NOTCH4: variants seen among roughly 807,000 people sequenced by gnomAD.
The protein encoded by NOTCH4 is notch receptor 4.
In NOTCH4, 138 loss-of-function variants were observed where a neutral mutation model predicts 189.0. That is an observed-to-expected ratio of 0.73 (90% CI 0.64 to 0.84). The LOEUF is 0.84. Among genes scored for constraint, NOTCH4 ranks in the 40% least tolerant of loss-of-function variants. NOTCH4 has a pLI of 0.00. For synonymous variants in NOTCH4, 942 were observed against 1,032.8 expected (o/e 0.91, Z 1.69); for missense variants, 2,286 against 2,605.4 (o/e 0.88, Z 2.67).
chr6:32,212,698 A>G lies in NOTCH4; in HGVS notation c.2527-71T>C. 2 of 1,528,046 alleles carry G rather than the reference A, an allele frequency of 1.3e-6. No individual in the cohort carries two copies. The highest frequency in any genetic ancestry group is 1.8e-6 in the Non-Finnish European group (2 of 1,130,442). The allele number at this position is 1,528,046 out of a possible 1,614,324, so 94.7% of individuals were successfully genotyped here. On this transcript the variant is annotated intron_variant, in intron 16 of 29. Coordinates refer to ENST00000375023, the MANE Select transcript of NOTCH4 (RefSeq NM_004557.4). This position sits in a 1 kb window ranked among gnomAD's most constrained non-coding sequence, Gnocchi z 4.4. ...TCAGCCCAGAGATGGTCCTCTGCCCACTCCAGCTCCTCGAAATCCCTTACT... is the reference window on the plus strand; with the variant it reads ...TCAGCCCAGAGATGGTCCTCTGCCCGCTCCAGCTCCTCGAAATCCCTTACT...
In NOTCH4 at chr6:32,202,381, C is replaced by G. The variant is rs541604461; in HGVS notation, c.3450G>C (p.Thr1150=). The change falls in exon 21 of 30, where the codon ACG becomes ACC. Residue 1150 remains threonine (T), a synonymous_variant. Transcript: ENST00000375023. This position sits in a 1 kb window ranked among gnomAD's most constrained non-coding sequence, Gnocchi z 5.7. ...ATCGAAAGCCTGGGCCCCCCAAGCC[C>G]GTGGTCTCTGAGCAGCTGCCATTGT... ...CLYNGSCSET[T]GLGGPGFRCS... 9 of 1,612,718 alleles carry G rather than the reference C, an allele frequency of 5.6e-6. No homozygotes were observed. Among genetic ancestry groups the G allele is most frequent in the East Asian group, 2.2e-5 (1 of 44,886 alleles).
rs2127491242 is a variant in NOTCH4 at position 32,222,764 on chromosome 6, G to A, written c.198C>T (p.Asp66=). Residue 66 remains aspartate, a synonymous_variant, in exon 3 of 30, where the codon GAC becomes GAT. Coordinates refer to ENST00000375023, the MANE Select transcript of NOTCH4 (RefSeq NM_004557.4). ...GGCAGAGCTGGGCGTTCTGGCAGGG[G>A]TCAGGAAACTGGCACGTCTCACCCA... The part of the protein sequence containing the change: ...GFLGETCQFP[D]PCQNAQLCQN... The A allele has an allele frequency of 2.5e-6, 4 of 1,612,070 alleles. No individual in the cohort carries two copies. Among genetic ancestry groups the A allele is most frequent in the Non-Finnish European group, 3.4e-6 (4 of 1,179,252 alleles).
In NOTCH4 at chr6:32,197,553, C is replaced by T. The variant is rs1788033496; in HGVS notation, c.4798G>A (p.Val1600Ile). 1 of 1,612,686 alleles carries T rather than the reference C, an allele frequency of 6.2e-7. No individual in the cohort carries two copies. The highest frequency in any genetic ancestry group is 2.2e-5 in the East Asian group (1 of 44,844). The change falls in exon 27 of 30, where the codon GTA becomes ATA. Residue 1600 changes from valine to isoleucine, a missense_variant. By Grantham distance (29) the Val-to-Ile change is conservative. This residue lies in a region of NOTCH4 where 1,903 missense variants were observed against 2,261.9 expected (regional missense o/e 0.84). Coordinates refer to ENST00000375023, the MANE Select transcript of NOTCH4 (RefSeq NM_004557.4). ...GCCCCTTGGAAGGTCCCGGACTGTA[C>T]TTCCCCACAGCAAACTGCTGACATC... ...PLMSAVCCGEVQSGTFQGAWL... is the reference protein window; with the variant it reads ...PLMSAVCCGEIQSGTFQGAWL...
In NOTCH4 at chr6:32,210,930, T is replaced by A; in HGVS notation, c.2687A>T (p.Asp896Val). ...CQKAALSQGI[D>V]VSSLCHNGGL... ...TCCATTGTGGCAAAGGGAAGAGACG[T>A]CTATGCCTGGGGAGAGAGACAAACA... Residue 896 changes from aspartate (D) to valine (V), a missense_variant, in exon 18 of 30, where the codon GAC becomes GTC. By Grantham distance (152) the Asp-to-Val change is radical (BLOSUM62 -3). Transcript: ENST00000375023. The surrounding 1 kb of genome is among the most constrained non-coding windows in gnomAD (Gnocchi z 4.8). 1 of 1,589,682 alleles carries A rather than the reference T, an allele frequency of 6.3e-7. No individual in the cohort carries two copies.
At chr6:32,222,239 T>G (rs1227607775) in intron 3 of NOTCH4, among the ~76,000 whole-genome samples, 1 of 152,124 alleles carries the variant, frequency 6.6e-6, no homozygotes, top group Non-Finnish European at 1.5e-5. Context: ...ATGGGGAGAT[T>G]AAAGGGGCTA....
intron 18 of NOTCH4, among the ~76,000 whole-genome samples, chr6:32,204,997 T>G (rs1452424929): frequency 1.3e-5 from 2 of 152,190 alleles, no homozygotes; most frequent in Non-Finnish European, 2.9e-5. Context: ...TGGGAATCAA[T>G]GAAGGTCTGT....
chr6:32,200,784 G>A lies in NOTCH4; in HGVS notation c.4315+47C>T, dbSNP rs1223470349. 6.7e-7 allele frequency: 1 copy of A among 1,487,458 alleles called. No individual in the cohort carries two copies. The highest frequency in any genetic ancestry group is 1.3e-5 in the South Asian group (1 of 76,800). The allele number at this position is 1,487,458 out of a possible 1,614,324, so 92.1% of individuals were successfully genotyped here. A position where few individuals can be genotyped will look rare whatever the true frequency, so the allele number is the denominator to read the frequency against. On this transcript the variant is annotated intron_variant, in intron 23 of 29. Coordinates refer to ENST00000375023, the MANE Select transcript of NOTCH4 (RefSeq NM_004557.4). The surrounding 1 kb of genome is among the most constrained non-coding windows in gnomAD (Gnocchi z 5.0). ...TCCATTGCCTGTTGCTAGCATGAGAGCTGGCCTGGGAACAGAGGTCAGAGA... is the reference window on the plus strand; with the variant it reads ...TCCATTGCCTGTTGCTAGCATGAGAACTGGCCTGGGAACAGAGGTCAGAGA...
rs777281026 is a variant in NOTCH4, at chr6:32,221,137, T to C, written c.640A>G (p.Thr214Ala). 2.7e-5 allele frequency: 43 copies of C among 1,612,860 alleles called. No individual in the cohort carries two copies. Among genetic ancestry groups the C allele is most frequent in the Non-Finnish European group, 3.6e-5 (42 of 1,180,012 alleles). Residue 214 changes from threonine to alanine, a missense_variant, in exon 4 of 30, where the codon ACC becomes GCC. Physicochemically the swap from Thr to Ala is moderately conservative, Grantham distance 58 (BLOSUM62 0). Around this residue, in one of 2 missense-constraint regions of NOTCH4, gnomAD observed 1,903 missense variants for 2,261.9 expected, o/e 0.84. Transcript: ENST00000375023. This position sits in a 1 kb window ranked among gnomAD's most constrained non-coding sequence, Gnocchi z 4.3. ...CAGAGGCACTGGAAGGAGCCCAGGG[T>C]GTTATGGCAGGAGGTGCCTTTGGGG... ...PCPKGTSCHN[T>A]LGSFQCLCPV... is the part of the protein sequence containing the mutation.
At chr6:32,213,949 C>T (rs1437161976) in intron 13 of NOTCH4, 109 bp from the exon 14 acceptor site, 1 of 1,462,614 alleles carries the variant, frequency 6.8e-7, no homozygotes, top group Non-Finnish European at 9.4e-7. Flanking sequence ...TTATTCTTTC[C>T]CATCAACCTC....
chr6:32,216,755 C>T, intron 11 of NOTCH4, 190 bp downstream of exon 11: 1 of 714,004 alleles, frequency 1.4e-6, no homozygotes, highest in Non-Finnish European at 2.4e-6. Context: ...CCCATGTGGG[C>T]CCTACGGTAA....
chr6:32,204,231 G>A lies in NOTCH4; in HGVS notation c.3024C>T (p.Asp1008=), dbSNP rs776017114. 2.5e-6 allele frequency: 4 copies of A among 1,613,050 alleles called. No homozygotes were observed. Among genetic ancestry groups the A allele is most frequent in the African/African-American group, 1.3e-5 (1 of 75,050 alleles). Residue 1008 remains aspartate (D), a synonymous_variant, in exon 19 of 30, where the codon GAC becomes GAT. Coordinates refer to ENST00000375023, the MANE Select transcript of NOTCH4 (RefSeq NM_004557.4). ...FVGLRCEGDV[D]ECLDQPCHPT... ...GGTGGCAGGGCTGGTCCAGACACTC[G>A]TCCACGTCTCCCTCACAGCGTAGCC...
Position 32,210,961 on chromosome 6 carries a change from A to G in NOTCH4, c.2681-25T>C, listed in dbSNP as rs55709853. The G allele has an allele frequency of 6.5e-7, 1 of 1,548,206 alleles. No individual in the cohort carries two copies. Among genetic ancestry groups the G allele is most frequent in the East Asian group, 2.3e-5 (1 of 44,240 alleles). ...CCTGGGGAGAGAGACAAACAGGGAT[A>G]TACAAAGATAAGTGGGGGGCCGGGC... On this transcript the variant is annotated intron_variant, in intron 17 of 29. Coordinates refer to ENST00000375023, the MANE Select transcript of NOTCH4 (RefSeq NM_004557.4). This position sits in a 1 kb window ranked among gnomAD's most constrained non-coding sequence, Gnocchi z 4.8.
intron 18 of NOTCH4, among the ~76,000 whole-genome samples, chr6:32,207,205 A>C (rs1229226227): frequency 6.6e-6 from 1 of 151,266 alleles, no homozygotes; most frequent in Non-Finnish European, 1.5e-5. Flanking sequence ...CTGGGATTAC[A>C]GGCATGAGCC....
In NOTCH4 at chr6:32,201,797, T is replaced by C. The variant is rs9267821; in HGVS notation, c.3755+279A>G. On this transcript the variant is annotated intron_variant, in intron 21 of 29. Coordinates refer to ENST00000375023, the MANE Select transcript of NOTCH4 (RefSeq NM_004557.4). This position sits in a 1 kb window ranked among gnomAD's most constrained non-coding sequence, Gnocchi z 5.5. Reference sequence around the variant, plus strand: ...AGGTGCTGACTGCTAGGGGAAATACTCCATGGCAGCAAGGCTTAGGGAAGG... The same window carrying C: ...AGGTGCTGACTGCTAGGGGAAATACCCCATGGCAGCAAGGCTTAGGGAAGG... The C allele has an allele frequency of 0.28, 116,586 of 411,188 alleles. 17,708 individuals are homozygous for C. Among genetic ancestry groups the C allele is most frequent in the Middle Eastern group, 0.45 (719 of 1,612 alleles). 25.5% of individuals were successfully genotyped at this position (411,188 alleles called of 1,614,324 possible). A position where few individuals can be genotyped will look rare whatever the true frequency, so the allele number is the denominator to read the frequency against.
In NOTCH4 at chr6:32,195,678, C is replaced by T; in HGVS notation, c.5771G>A (p.Arg1924Gln). The T allele has an allele frequency of 6.2e-7, 1 of 1,612,914 alleles. No individual in the cohort carries two copies. Among genetic ancestry groups the T allele is most frequent in the Non-Finnish European group, 8.5e-7 (1 of 1,179,928 alleles). Residue 1924 changes from arginine to glutamine, a missense_variant, in exon 30 of 30, where the codon CGG becomes CAG. Coordinates refer to ENST00000375023, the MANE Select transcript of NOTCH4 (RefSeq NM_004557.4). This position sits in a 1 kb window ranked among gnomAD's most constrained non-coding sequence, Gnocchi z 5.4. ...TCCTCGCATTATCGCAGGGTTGGGC[C>T]GAGGCCCGCGCATGCCTGCAGAAAA... ...RRFSAGMRGP[R>Q]PNPAIMRGRY... is the part of the protein sequence containing the mutation.
chr6:32,223,533 T>C (rs1789930262), intron 1 of NOTCH4, among the ~76,000 whole-genome samples: 1 of 151,824 alleles, frequency 6.6e-6, no homozygotes, highest in Non-Finnish European at 1.5e-5. Context: ...TCTCATCTCC[T>C]CCCCAAGCAG....
rs762058500 is a variant in NOTCH4, at chr6:32,223,963, C to G, written c.-35G>C. 1.9e-6 allele frequency: 3 copies of G among 1,570,718 alleles called. No individual in the cohort carries two copies. Among genetic ancestry groups the G allele is most frequent in the Non-Finnish European group, 1.7e-6 (2 of 1,165,430 alleles). On this transcript the variant is annotated 5_prime_UTR_variant, in exon 1 of 30. Coordinates refer to ENST00000375023, the MANE Select transcript of NOTCH4 (RefSeq NM_004557.4). The stretch of plus-strand genomic sequence containing the variant: ...CCTTCTCCAAGCCCCGGTCCCTGTC[C>G]CTCTTCAGGCAGGGACCCTCAGAGC...
At chr6:32,214,968 C>T (rs1043565423) in intron 12 of NOTCH4, among the ~76,000 whole-genome samples, 5 of 152,116 alleles carry the variant, frequency 3.3e-5, no homozygotes, top group African/African-American at 7.2e-5. Context: ...ATGATTAATT[C>T]GCCCTGGGAT....
Position 32,197,313 on chromosome 6 carries a change from G to A in NOTCH4, c.5038C>T (p.Arg1680Trp), listed in dbSNP as rs1264943333. Residue 1680 changes from arginine (R) to tryptophan (W), a missense_variant, in exon 27 of 30, where the codon CGG becomes TGG. Physicochemically the swap from Arg to Trp is moderately radical, Grantham distance 101. This residue lies in a region of NOTCH4 where 1,903 missense variants were observed against 2,261.9 expected (regional missense o/e 0.84). Transcript: ENST00000375023. Reference protein sequence around the residue: ...PLHAAVAADAREVCQLLLRSR... With the variant: ...PLHAAVAADAWEVCQLLLRSR... ...TGTGTGCTAACCTGGCAGACCTCCC[G>A]AGCATCAGCAGCCACAGCAGCATGA... 2 of 1,526,780 alleles carry A rather than the reference G, an allele frequency of 1.3e-6. No individual in the cohort carries two copies. Among genetic ancestry groups the A allele is most frequent in the African/African-American group, 1.4e-5 (1 of 72,472 alleles). The allele number at this position is 1,526,780 out of a possible 1,614,324, so 94.6% of individuals were successfully genotyped here. A position where few individuals can be genotyped will look rare whatever the true frequency, so the allele number is the denominator to read the frequency against.
Sources: gnomAD v4.1 joint callset for allele counts (sites outside exome capture counted in the v4.1 genomes callset) on GRCh38, gnomAD v4.1.1 for gene constraint, gnomAD v4.1.1 regional missense constraint, Gnocchi (gnomAD v3.1) non-coding constraint, MANE v1.5 for transcripts, NCBI Gene and HGNC (gene_info 2026-07-23, HGNC 2026-07-21) for gene names.